The following USP34 variants were observed in gnomAD, a reference collection of about 807,000 sequenced individuals.
USP34 encodes the protein ubiquitin carboxyl-terminal hydrolase 34.
Under a neutral mutation model 460.3 loss-of-function variants are expected in USP34, and 70 were observed. The observed-to-expected ratio is 0.15, with a 90% CI of 0.13 to 0.19. The LOEUF (loss-of-function observed/expected upper bound fraction) is 0.19. Among genes scored for constraint, USP34 ranks in the 10% least tolerant of loss-of-function variants. The pLI is 1.00. For missense variants in USP34, 3,985 were observed against 4,236.2 expected, an observed-to-expected ratio of 0.94 and a Z score of 1.65; for synonymous variants, 1,647 against 1,405.3, an observed-to-expected ratio of 1.17 and a Z score of -3.85.
intron 66 of USP34, among the ~76,000 whole-genome samples, chr2:61,220,942 C>T (rs897837673): frequency 7.6e-5 from 11 of 144,250 alleles, no homozygotes; most frequent in Admixed American, 5.5e-4. Context: ...TCTGTGGCTG[C>T]CCGTTTTTGT....
intron 21 of USP34, among the ~76,000 whole-genome samples, chr2:61,323,527 A>AG (rs1184239221): frequency 6.6e-6 from 1 of 151,840 alleles, no homozygotes; most frequent in Non-Finnish European, 1.5e-5. Flanking sequence ...AAAAAAAAAA[A>AG]AAAAAAATAG....
chr2:61,351,804 C>G (rs140036640), intron 10 of USP34, among the ~76,000 whole-genome samples: 4 of 152,186 alleles, frequency 2.6e-5, no homozygotes, highest in African/African-American at 9.6e-5. Context: ...CTATCTGCTT[C>G]TACTGCTATT....
chr2:61,247,677 G>A (rs992486628), intron 49 of USP34, among the ~76,000 whole-genome samples: 9 of 152,146 alleles, frequency 5.9e-5, no homozygotes, highest in Admixed American at 1.3e-4. Context: ...ATAGGCATGT[G>A]TCACTGCACC....
chr2:61,315,089 TAATAAA>T lies in USP34; in HGVS notation c.3283-121_3283-116del, dbSNP rs1285568006. ...CAACTCCTATTATTCAGCTATTAAA[TAATAAA>T]AATAAATGATTTAAAAATTTCCTCA... On this transcript the variant is annotated intron_variant, in intron 23 of 79. Transcript: ENST00000398571. The T allele has an allele frequency of 3.3e-5, 22 of 674,014 alleles. No homozygotes were observed. In the East Asian group the frequency reaches 6.3e-4, roughly 19 times the overall value. 41.8% of individuals were successfully genotyped at this position (674,014 alleles called of 1,614,324 possible). A position where few individuals can be genotyped will look rare whatever the true frequency, so the allele number is the denominator to read the frequency against.
chr2:61,385,577 C>G (rs1489939395), intron 5 of USP34, among the ~76,000 whole-genome samples: 1 of 141,654 alleles, frequency 7.1e-6, no homozygotes, highest in Non-Finnish European at 1.5e-5. Flanking sequence ...GAGGCTGAGG[C>G]AGGAGAATGG....
chr2:61,452,731 A>C (rs1245270786), intron 1 of USP34, among the ~76,000 whole-genome samples: 2 of 151,898 alleles, frequency 1.3e-5, no homozygotes, highest in East Asian at 1.9e-4. Context: ...CAAAAAAAAA[A>C]ACAAAAGTTA....
intron 43 of USP34, among the ~76,000 whole-genome samples, chr2:61,262,006 G>T (rs1688894217): frequency 6.8e-6 from 1 of 147,152 alleles, no homozygotes; most frequent in African/African-American, 2.5e-5. Flanking sequence ...CAGGAGAACT[G>T]CCGGAACCCA....
chr2:61,267,375 T>C (rs777953192), intron 41 of USP34, among the ~76,000 whole-genome samples: 2 of 152,078 alleles, frequency 1.3e-5, no homozygotes, highest in Non-Finnish European at 2.9e-5. Context: ...TGTTAAAGAA[T>C]GTGTAATTCA....
At chr2:61,311,149 C>T (rs893311460) in intron 27 of USP34, among the ~76,000 whole-genome samples, 11 of 152,156 alleles carry the variant, frequency 7.2e-5, no homozygotes, top group Non-Finnish European at 1.2e-4. Context: ...CATTAATCTC[C>T]AATGCAACAG....
intron 2 of USP34, among the ~76,000 whole-genome samples, chr2:61,417,835 G>A (rs1388689589): frequency 1.0e-4 from 15 of 144,498 alleles, no homozygotes; most frequent in Non-Finnish European, 1.4e-4. Context: ...TCTGCCTCCC[G>A]GGTTCAAATG....
At chr2:61,248,423 T>C in intron 49 of USP34, 88 bp downstream of exon 49, 1 of 1,342,238 alleles carries the variant, frequency 7.5e-7, no homozygotes, top group Non-Finnish European at 1.0e-6. Flanking sequence ...TTGTTAACTG[T>C]GTAGTTGATG....
At chr2:61,363,141 A>G (rs1440503123) in intron 10 of USP34, among the ~76,000 whole-genome samples, 1 of 152,168 alleles carries the variant, frequency 6.6e-6, no homozygotes, top group African/African-American at 2.4e-5. Flanking sequence ...AAATGCAAAT[A>G]AAAACCACAA....
chr2:61,252,306 A>T (rs937112486), intron 48 of USP34, among the ~76,000 whole-genome samples: 1 of 152,162 alleles, frequency 6.6e-6, no homozygotes, highest in Admixed American at 6.5e-5. Flanking sequence ...TAAAATGGAG[A>T]TTACCTACCC....
intron 57 of USP34, among the ~76,000 whole-genome samples, chr2:61,234,161 C>T (rs900938628): frequency 6.6e-6 from 1 of 152,162 alleles, no homozygotes; most frequent in Non-Finnish European, 1.5e-5. Flanking sequence ...AAAAGTTACA[C>T]TTTAGTGTTT....
chr2:61,326,515 T>C lies in USP34; in HGVS notation c.2931-1058A>G, dbSNP rs186245862. Among the ~76,000 whole-genome samples, 8 of 152,204 alleles carry C rather than the reference T, an allele frequency of 5.3e-5. No individual in the cohort carries two copies. In the East Asian group the frequency reaches 1.2e-3, roughly 22 times the overall value. The stretch of plus-strand genomic sequence containing the variant: ...AGTGCTGGGATTACAGGTGTCAGCA[T>C]GACCGGCCCAGGTTTGCATTTTAAA... On this transcript the variant is annotated intron_variant, in intron 20 of 79. Transcript: ENST00000398571.
chr2:61,257,866 C>T (rs1688762169), intron 44 of USP34, among the ~76,000 whole-genome samples: 1 of 152,274 alleles, frequency 6.6e-6, no homozygotes, highest in African/African-American at 2.4e-5. Flanking sequence ...AGCAAGACTC[C>T]ATCTCCAAAA....
chr2:61,225,989 A>G (rs375446540), intron 62 of USP34, among the ~76,000 whole-genome samples: 1 of 152,150 alleles, frequency 6.6e-6, no homozygotes, highest in Admixed American at 6.6e-5. Flanking sequence ...GGATCTTGCT[A>G]TATTGCCCAA....
At chr2:61,237,478 TTGTTTTACAAACACTTGTC>T (rs1688100680) in intron 53 of USP34, among the ~76,000 whole-genome samples, 1 of 152,098 alleles carries the variant, frequency 6.6e-6, no homozygotes, top group Non-Finnish European at 1.5e-5. Flanking sequence ...TGCTCTGTTT[TTGTTTTACAAACACTTGTC>T]TGTTTGATAG....
chr2:61,217,353 T>C (rs1687433081), intron 67 of USP34, among the ~76,000 whole-genome samples: 1 of 152,226 alleles, frequency 6.6e-6, no homozygotes, highest in Non-Finnish European at 1.5e-5. Flanking sequence ...TTTTCTTTTC[T>C]CTATATTAAA....
Sources: gnomAD v4.1 joint callset for allele counts (sites outside exome capture counted in the v4.1 genomes callset) on GRCh38, gnomAD v4.1.1 for gene constraint, MANE v1.5 for transcripts, NCBI Gene and HGNC (gene_info 2026-07-23, HGNC 2026-07-21) for gene names.